The following PRKG1 variants were observed in gnomAD, a reference collection of about 807,000 sequenced individuals.
PRKG1 encodes the protein protein kinase cGMP-dependent 1.
PRKG1 carries 35 observed loss-of-function variants against 88.1 expected under a neutral mutation model. The ratio of observed to expected loss-of-function variants is 0.40; its 90% CI spans 0.30 to 0.53. The LOEUF (loss-of-function observed/expected upper bound fraction) is 0.53, where lower values mean the gene tolerates loss of function less well. Among genes scored for constraint, PRKG1 ranks in the 20% least tolerant of loss-of-function variants. PRKG1 has a pLI of 0.59. For missense variants in PRKG1, 540 were observed against 839.8 expected (o/e 0.64, Z 4.41); for synonymous variants, 303 against 292.5 (o/e 1.04, Z -0.37).
chr10:52,022,133 C>T (rs7893310), intron 5 of PRKG1, among the ~76,000 whole-genome samples: 2,239 of 152,270 alleles, frequency 0.015, 63 homozygotes, highest in African/African-American at 0.051. Flanking sequence ...GGGTAAATGA[C>T]TGATACTCTA....
chr10:51,392,873 T>C (rs1317392317), intron 2 of PRKG1, among the ~76,000 whole-genome samples: 4 of 109,396 alleles, frequency 3.7e-5, no homozygotes, highest in South Asian at 3.3e-4. Flanking sequence ...CCCCCCCACC[T>C]CCCTCCCAGA....
chr10:52,120,009 G>C (rs1034696567), intron 7 of PRKG1, among the ~76,000 whole-genome samples: 6 of 151,794 alleles, frequency 4.0e-5, no homozygotes, highest in Admixed American at 2.6e-4. Flanking sequence ...GAGAGACAGA[G>C]AGAGAGAGAC....
intron 1 of PRKG1, among the ~76,000 whole-genome samples, chr10:51,032,077 G>A (rs922847924): frequency 6.6e-6 from 1 of 152,110 alleles, no homozygotes; most frequent in Non-Finnish European, 1.5e-5. Flanking sequence ...AGGTTTTCTT[G>A]GGAAATCTTC....
chr10:51,241,966 TG>T (rs1438128519), intron 2 of PRKG1, among the ~76,000 whole-genome samples: 1 of 149,848 alleles, frequency 6.7e-6, no homozygotes, highest in East Asian at 1.9e-4. Flanking sequence ...TTGCCCTCTA[TG>T]CTGGAACAAT....
At chr10:51,039,262 G>GA (rs1416068723) in intron 1 of PRKG1, among the ~76,000 whole-genome samples, 1 of 151,874 alleles carries the variant, frequency 6.6e-6, no homozygotes, top group Non-Finnish European at 1.5e-5. Context: ...CCTGTTTTTG[G>GA]AAAAAAGCCA....
chr10:51,131,833 C>T (rs1589179533), intron 1 of PRKG1, among the ~76,000 whole-genome samples: 1 of 151,938 alleles, frequency 6.6e-6, no homozygotes, highest in South Asian at 2.1e-4. Flanking sequence ...ATGCAGGCTT[C>T]TTACAAGGTT....
chr10:51,545,816 G>A (rs1279328775), intron 3 of PRKG1, among the ~76,000 whole-genome samples: 8 of 151,982 alleles, frequency 5.3e-5, no homozygotes, highest in Admixed American at 5.3e-4. Flanking sequence ...TTACAAGAAA[G>A]AATGACTTCA....
intron 3 of PRKG1, among the ~76,000 whole-genome samples, chr10:51,724,835 A>C (rs1842093365): frequency 6.7e-6 from 1 of 149,744 alleles, no homozygotes; most frequent in Non-Finnish European, 1.5e-5. Context: ...CTGGAACTAC[A>C]GGTGAGTGCT....
intron 1 of PRKG1, among the ~76,000 whole-genome samples, chr10:51,076,910 A>G (rs1843967518): frequency 6.6e-6 from 1 of 152,208 alleles, no homozygotes; most frequent in Non-Finnish European, 1.5e-5. Context: ...TAAAGGACTC[A>G]GCTCTTAAGG....
At chr10:51,346,012 G>T (rs950409501) in intron 2 of PRKG1, among the ~76,000 whole-genome samples, 3 of 152,118 alleles carry the variant, frequency 2.0e-5, no homozygotes, top group Non-Finnish European at 4.4e-5. Flanking sequence ...AACATACCTG[G>T]TTCTATGGAA....
At chr10:51,699,543 TC>T in intron 3 of PRKG1, 1 of 1,608,408 alleles carries the variant, frequency 6.2e-7, no homozygotes, top group Non-Finnish European at 8.5e-7. Context: ...ACCGCCAAAC[TC>T]GACATGATTC....
At chr10:51,457,849 C>T (rs1281493138) in intron 2 of PRKG1, among the ~76,000 whole-genome samples, 1 of 152,102 alleles carries the variant, frequency 6.6e-6, no homozygotes, top group Admixed American at 6.6e-5. Flanking sequence ...TTCTTGAGTC[C>T]TCCTTATTTT....
intron 2 of PRKG1, among the ~76,000 whole-genome samples, chr10:51,311,735 A>G (rs556498511): frequency 7.9e-5 from 12 of 152,324 alleles, no homozygotes; most frequent in African/African-American, 2.4e-4. Context: ...TCTGATTTCC[A>G]TGTCATTAGA....
intron 12 of PRKG1, 136 bp from the exon 13 acceptor site, chr10:52,280,653 T>C (rs1841984170): frequency 6.7e-6 from 6 of 899,282 alleles, no homozygotes; most frequent in Non-Finnish European, 1.0e-5. Context: ...GGCAATCATG[T>C]AACATTTAGC....
rs888442402 is a variant in PRKG1 at position 51,734,086 on chromosome 10, A to AT, written c.593-70491dup. Among the ~76,000 whole-genome samples, 69 of 151,704 alleles carry AT rather than the reference A, an allele frequency of 4.5e-4. 2 individuals are homozygous for AT. The highest frequency in any genetic ancestry group is 6.8e-3 in the Middle Eastern group (2 of 294). ...TTAGCTTTTTTAAAAAAAAATTATT[A>AT]TTTTTTTTGCTCCTGGCATCTTAAA... is the stretch of plus-strand genomic sequence containing the variant. On this transcript the variant is annotated intron_variant, in intron 3 of 17. Coordinates refer to ENST00000373980, the MANE Select transcript of PRKG1 (RefSeq NM_006258.4).
intron 5 of PRKG1, among the ~76,000 whole-genome samples, chr10:51,966,693 C>A (rs1843575063): frequency 6.6e-6 from 1 of 152,158 alleles, no homozygotes; most frequent in African/African-American, 2.4e-5. Context: ...ATAGGGCTCT[C>A]TTCACCTATT....
At chr10:52,121,544 C>T (rs1426487781) in intron 7 of PRKG1, among the ~76,000 whole-genome samples, 1 of 152,198 alleles carries the variant, frequency 6.6e-6, no homozygotes, top group Non-Finnish European at 1.5e-5. Flanking sequence ...CATCTGGAAT[C>T]CTTTGCTGCT....
intron 5 of PRKG1, among the ~76,000 whole-genome samples, chr10:51,943,235 C>T (rs1050844785): frequency 1.3e-5 from 2 of 151,886 alleles, no homozygotes; most frequent in African/African-American, 4.9e-5. Context: ...GGAGTTCACT[C>T]ATGATTTGGC....
At chr10:51,545,184 A>G (rs1439250986) in intron 3 of PRKG1, among the ~76,000 whole-genome samples, 2 of 152,080 alleles carry the variant, frequency 1.3e-5, no homozygotes, top group African/African-American at 4.8e-5. Context: ...ATTGTAGACA[A>G]TCTACTCGAA....
Sources: allele counts gnomAD v4.1 joint callset (sites outside exome capture counted in the v4.1 genomes callset), GRCh38; gene constraint gnomAD v4.1.1; transcripts MANE v1.5; gene names NCBI Gene and HGNC (gene_info 2026-07-23, HGNC 2026-07-21).